CHSY1: variants seen among roughly 807,000 people sequenced by gnomAD.
CHSY1 encodes chondroitin sulfate synthase 1.
Under a neutral mutation model 59.8 loss-of-function variants are expected in CHSY1, and 13 were observed. That is an observed-to-expected ratio of 0.22 (90% CI 0.14 to 0.35). The LOEUF is 0.35. Ranked by LOEUF, CHSY1 falls within the 10% of genes least tolerant of loss-of-function variation. The pLI is 1.00. For synonymous variants in CHSY1, 459 were observed against 401.2 expected, an observed-to-expected ratio of 1.14 and a Z score of -1.72; for missense variants, 947 against 1,030.6, an observed-to-expected ratio of 0.92 and a Z score of 1.11.
At chr15:101,191,380 A>G (rs756113884) in intron 2 of CHSY1, among the ~76,000 whole-genome samples, 2 of 152,222 alleles carry the variant, frequency 1.3e-5, no homozygotes, top group Non-Finnish European at 2.9e-5. Flanking sequence ...CAAAACTATG[A>G]AGACAGTAAA....
At chr15:101,192,380 T>C (rs956464732) in intron 2 of CHSY1, among the ~76,000 whole-genome samples, 1 of 152,060 alleles carries the variant, frequency 6.6e-6, no homozygotes, top group Non-Finnish European at 1.5e-5. Context: ...ACACACACTC[T>C]GCACAGGGCC....
chr15:101,195,924 A>G (rs2038501599), intron 2 of CHSY1, among the ~76,000 whole-genome samples: 1 of 151,992 alleles, frequency 6.6e-6, no homozygotes, highest in South Asian at 2.1e-4. Context: ...CACCCCAGTT[A>G]GTTAATATAA....
At chr15:101,210,182 A>C (rs909597248) in intron 2 of CHSY1, among the ~76,000 whole-genome samples, 4 of 152,218 alleles carry the variant, frequency 2.6e-5, no homozygotes, top group Admixed American at 1.3e-4. Flanking sequence ...CAGATTAGCC[A>C]GTACCTTTTA....
rs145912754 is a variant in CHSY1 at position 101,177,926 on chromosome 15, T to G, written c.1871A>C (p.Glu624Ala). 9 of 1,614,180 alleles carry G rather than the reference T, an allele frequency of 5.6e-6. No homozygotes were observed. The highest frequency in any genetic ancestry group is 1.3e-5 in the African/African-American group (1 of 75,046). The change falls in exon 3 of 3, where the codon GAA (glutamate) becomes GCA (alanine). Residue 624 changes from glutamate to alanine, a missense_variant. Glu to Ala is a moderately radical substitution (Grantham distance 107, BLOSUM62 -1). Transcript: ENST00000254190. Reference protein sequence around the residue: ...LEVGSSQFNNESLLFFCDVDL... With the variant: ...LEVGSSQFNNASLLFFCDVDL... ...GACGTCGCAGAAGAAGAGCAAAGAT[T>G]CATTGTTAAACTGGGAGGATCCTAC...
At chr15:101,243,506 A>G (rs2039022523) in intron 1 of CHSY1, among the ~76,000 whole-genome samples, 1 of 152,068 alleles carries the variant, frequency 6.6e-6, no homozygotes, top group Admixed American at 6.6e-5. Context: ...GCCCACCTAA[A>G]CACAGTCACC....
intron 2 of CHSY1, among the ~76,000 whole-genome samples, chr15:101,207,173 C>G (rs1184946336): frequency 3.3e-5 from 5 of 152,162 alleles, no homozygotes. Context: ...TTTATATTAA[C>G]ACAGCATTTG....
At chr15:101,195,543 C>T (rs1430804995) in intron 2 of CHSY1, among the ~76,000 whole-genome samples, 1 of 152,164 alleles carries the variant, frequency 6.6e-6, no homozygotes, top group South Asian at 2.1e-4. Flanking sequence ...AAAAGCTGGC[C>T]GGGTGTGGTG....
At chr15:101,239,889 A>G (rs11634283) in intron 1 of CHSY1, among the ~76,000 whole-genome samples, 48,910 of 152,068 alleles carry the variant, frequency 0.32, 11,177 homozygotes, top group African/African-American at 0.65. Context: ...CTTCCCGTGT[A>G]CCCCACCAGG....
intron 2 of CHSY1, among the ~76,000 whole-genome samples, chr15:101,233,304 A>G (rs892166963): frequency 3.0e-4 from 46 of 152,208 alleles, no homozygotes; most frequent in African/African-American, 1.1e-3. Context: ...GTGTCTGTCC[A>G]GCAGTATATA....
chr15:101,193,126 C>G (rs1225900568), intron 2 of CHSY1, among the ~76,000 whole-genome samples: 2 of 152,240 alleles, frequency 1.3e-5, no homozygotes, highest in Non-Finnish European at 2.9e-5. Context: ...CACCCCGCAG[C>G]CACTGCACAC....
At position 101,236,187 on chromosome 15, in the gene CHSY1, T is replaced by A. The variant is rs557522015; in HGVS notation, c.321-610A>T. ...GCCTTCCCCTGAAACAGGGTAAACATCAAGGAATGCAGGGCACGAGAGCGC... is the reference window on the plus strand; with the variant it reads ...GCCTTCCCCTGAAACAGGGTAAACAACAAGGAATGCAGGGCACGAGAGCGC... On this transcript the variant is annotated intron_variant, in intron 1 of 2. Coordinates refer to ENST00000254190, the MANE Select transcript of CHSY1 (RefSeq NM_014918.5). Among the ~76,000 whole-genome samples the A allele has an allele frequency of 3.9e-5, 6 of 152,250 alleles. No individual in the cohort carries two copies. The East Asian group carries it at 1.2e-3, about 29-fold the overall frequency.
In CHSY1 at chr15:101,243,308, GCTC is replaced by G. The variant is rs566523013; in HGVS notation, c.321-7734_321-7732del. ...TTCCAAAGCTTGAAAGTGTTGGAGAGCTCCTTTCATAATTTGCATATCGCTGCT... is the reference window on the plus strand; with the variant it reads ...TTCCAAAGCTTGAAAGTGTTGGAGAGCTTTCATAATTTGCATATCGCTGCT... On this transcript the variant is annotated intron_variant, in intron 1 of 2. Transcript: ENST00000254190. Among the ~76,000 whole-genome samples, 133 of 152,318 alleles carry G rather than the reference GCTC, an allele frequency of 8.7e-4. 1 individual carries two copies. Among genetic ancestry groups the G allele is most frequent in the African/African-American group, 3.0e-3 (124 of 41,568 alleles).
intron 2 of CHSY1, among the ~76,000 whole-genome samples, chr15:101,203,901 T>C (rs927508958): frequency 1.3e-5 from 2 of 152,120 alleles, no homozygotes; most frequent in Admixed American, 6.5e-5. Context: ...CATGTGACCC[T>C]AGACTACACT....
chr15:101,191,275 A>G (rs1244196066), intron 2 of CHSY1, among the ~76,000 whole-genome samples: 1 of 152,276 alleles, frequency 6.6e-6, no homozygotes, highest in Non-Finnish European at 1.5e-5. Flanking sequence ...GACACGGAAG[A>G]AAGTTAAATG....
intron 2 of CHSY1, among the ~76,000 whole-genome samples, chr15:101,227,474 G>GAAAA (rs964582439): frequency 2.6e-5 from 4 of 152,100 alleles, no homozygotes; most frequent in African/African-American, 9.7e-5. Flanking sequence ...TGTGTGGGGG[G>GAAAA]AACAAACAAA....
rs1251347924 is a variant in CHSY1, at chr15:101,176,226, T to G, written c.*1162A>C. On this transcript the variant is annotated 3_prime_UTR_variant, in exon 3 of 3. Coordinates refer to ENST00000254190, the MANE Select transcript of CHSY1 (RefSeq NM_014918.5). ...ATGGCAGAGCTCTGAACAACAGATA[T>G]TAAATAAATTAAAGGTATTTCAGAT... The G allele has an allele frequency of 7.5e-6, 3 of 398,426 alleles. No individual in the cohort carries two copies. Among genetic ancestry groups the G allele is most frequent in the Non-Finnish European group, 1.3e-5 (3 of 225,988 alleles). The allele number at this position is 398,426 out of a possible 1,614,324, so 24.7% of individuals were successfully genotyped here.
chr15:101,220,443 T>C (rs573550431), intron 2 of CHSY1, among the ~76,000 whole-genome samples: 2 of 152,196 alleles, frequency 1.3e-5, no homozygotes, highest in East Asian at 3.8e-4. Context: ...ATTCAACTGC[T>C]CAGGCAACCT....
At chr15:101,233,592 C>A (rs191575269) in intron 2 of CHSY1, among the ~76,000 whole-genome samples, 17 of 152,144 alleles carry the variant, frequency 1.1e-4, no homozygotes, top group Non-Finnish European at 2.1e-4. Context: ...AAATCCGTGA[C>A]GACAGAGAGA....
intron 2 of CHSY1, chr15:101,188,271 A>T: frequency 1.3e-6 from 1 of 796,592 alleles, no homozygotes; most frequent in Non-Finnish European, 1.5e-6. Flanking sequence ...AAGAGACCGT[A>T]ACTGCTGGTA....
Sources: allele counts gnomAD v4.1 joint callset (sites outside exome capture counted in the v4.1 genomes callset), GRCh38; gene constraint gnomAD v4.1.1; transcripts MANE v1.5; gene names NCBI Gene and HGNC (gene_info 2026-07-23, HGNC 2026-07-21).